CERT1: variants seen among roughly 807,000 people sequenced by gnomAD.
The protein encoded by CERT1 is ceramide transfer protein.
A neutral mutation model predicts 87.9 loss-of-function variants in CERT1; 31 were observed. That is an observed-to-expected ratio of 0.35 (90% CI 0.27 to 0.48). CERT1 has a LOEUF of 0.48. CERT1 is among the 20% of genes least tolerant of loss of function. The probability of loss-of-function intolerance (pLI) is 0.99; values close to 1 mark genes in which losing one functional copy is unlikely to be tolerated. For missense variants in CERT1, 487 were observed against 758.0 expected (o/e 0.64, Z 4.20); for synonymous variants, 289 against 250.9 (o/e 1.15, Z -1.44).
At chr5:75,459,758 T>C (rs1765149270) in intron 2 of CERT1, among the ~76,000 whole-genome samples, 1 of 150,346 alleles carries the variant, frequency 6.7e-6, no homozygotes, top group Non-Finnish European at 1.5e-5. Context: ...AGGTCAGGAG[T>C]TCAAGACCAG....
In CERT1 at chr5:75,493,128, T is replaced by G. The variant is rs1766875384; in HGVS notation, c.231+12854A>C. Among the ~76,000 whole-genome samples, 4 of 152,386 alleles carry G rather than the reference T, an allele frequency of 2.6e-5. No individual in the cohort carries two copies. The South Asian group carries it at 6.2e-4, about 24-fold the overall frequency. On this transcript the variant is annotated intron_variant, in intron 2 of 16. Coordinates refer to ENST00000643780, the MANE Select transcript of CERT1 (RefSeq NM_001379029.1). ...TCAGCAGAAGACAGACGTCTGTGTC[T>G]GTGGATGTATTTTACTTTTTATTAT... is the stretch of plus-strand genomic sequence containing the variant.
intron 3 of CERT1, among the ~76,000 whole-genome samples, chr5:75,451,119 C>T (rs1764754153): frequency 6.6e-6 from 1 of 152,076 alleles, no homozygotes; most frequent in African/African-American, 2.4e-5. Flanking sequence ...CCTTGTTTTC[C>T]TCTTTGATTT....
At chr5:75,502,169 A>G (rs1259348140) in intron 2 of CERT1, among the ~76,000 whole-genome samples, 1 of 152,192 alleles carries the variant, frequency 6.6e-6, no homozygotes, top group South Asian at 2.1e-4. Flanking sequence ...TGGAAAAGGA[A>G]AAAGAAATAA....
Position 75,473,526 on chromosome 5 carries a change from T to G in CERT1, c.232-14345A>C, listed in dbSNP as rs528201384. Among the ~76,000 whole-genome samples the G allele has an allele frequency of 9.9e-5, 15 of 152,260 alleles. No individual in the cohort carries two copies. In the East Asian group the frequency reaches 2.9e-3, roughly 29 times the overall value. On this transcript the variant is annotated intron_variant, in intron 2 of 16. Coordinates refer to ENST00000643780, the MANE Select transcript of CERT1 (RefSeq NM_001379029.1). ...ATATGTAGAATCTTAAAAAAGTTGA[T>G]CTCATGGAAATAGAGAGTAGAATGG...
chr5:75,392,613 A>C (rs1762071775), intron 11 of CERT1, among the ~76,000 whole-genome samples: 1 of 152,164 alleles, frequency 6.6e-6, no homozygotes, highest in African/African-American at 2.4e-5. Flanking sequence ...GACCAGACTG[A>C]CACTTCAGAT....
chr5:75,397,770 C>T, intron 11 of CERT1, among the ~76,000 whole-genome samples: 1 of 152,140 alleles, frequency 6.6e-6, no homozygotes, highest in East Asian at 1.9e-4. Context: ...CCTGTAATCC[C>T]AGCACTTTGG....
intron 2 of CERT1, among the ~76,000 whole-genome samples, chr5:75,466,880 C>T (rs1276381668): frequency 6.6e-6 from 1 of 152,192 alleles, no homozygotes; most frequent in African/African-American, 2.4e-5. Context: ...ACTTCTCCCA[C>T]AACTGTTTGA....
At chr5:75,407,796 T>C (rs1355500975) in intron 8 of CERT1, among the ~76,000 whole-genome samples, 1 of 150,440 alleles carries the variant, frequency 6.6e-6, no homozygotes, top group Non-Finnish European at 1.5e-5. Flanking sequence ...CAAAAGCCCA[T>C]CAAGAGTTTT....
chr5:75,475,310 G>A (rs960107109), intron 2 of CERT1, among the ~76,000 whole-genome samples: 3 of 152,130 alleles, frequency 2.0e-5, no homozygotes, highest in Non-Finnish European at 4.4e-5. Context: ...AAAAGTTTCA[G>A]CATGGGATCA....
intron 11 of CERT1, among the ~76,000 whole-genome samples, chr5:75,397,352 T>G (rs938882844): frequency 1.3e-5 from 2 of 152,236 alleles, no homozygotes; most frequent in African/African-American, 4.8e-5. Context: ...TCAAGTTACA[T>G]ACATGAGTTT....
At chr5:75,484,771 T>C (rs955989355) in intron 2 of CERT1, among the ~76,000 whole-genome samples, 1 of 151,734 alleles carries the variant, frequency 6.6e-6, no homozygotes, top group Non-Finnish European at 1.5e-5. Flanking sequence ...CATTATACAA[T>C]AGCTGGAGAC....
intron 17 of CERT1, chr5:75,372,721 C>T (rs1761127568): frequency 1.3e-5 from 2 of 152,238 alleles, no homozygotes; most frequent in East Asian, 1.9e-4. Context: ...GCATATTAAG[C>T]GATCAGACTA....
chr5:75,415,595 T>C (rs1206570057), intron 7 of CERT1, among the ~76,000 whole-genome samples: 1 of 152,110 alleles, frequency 6.6e-6, no homozygotes, highest in Non-Finnish European at 1.5e-5. Context: ...TTTTAGGCAA[T>C]GTGGTTAGAG....
chr5:75,482,820 T>G (rs760174617), intron 2 of CERT1, among the ~76,000 whole-genome samples: 1 of 152,194 alleles, frequency 6.6e-6, no homozygotes, highest in East Asian at 1.9e-4. Context: ...TTACTAGGCT[T>G]GGGGTGCCAC....
At chr5:75,406,868 T>C (rs914180101) in intron 8 of CERT1, among the ~76,000 whole-genome samples, 1 of 152,120 alleles carries the variant, frequency 6.6e-6, no homozygotes, top group African/African-American at 2.4e-5. Context: ...TCTTAAGGAA[T>C]AAATTTAAGA....
chr5:75,384,530 T>TAATG lies in CERT1; in HGVS notation c.1488+111_1488+112insCATT, dbSNP rs1350044745. On this transcript the variant is annotated intron_variant, in intron 14 of 16. Coordinates refer to ENST00000643780, the MANE Select transcript of CERT1 (RefSeq NM_001379029.1). ...ATTCATGAATCATTATTTAATAAAGTCTTTGGATTTTTGTGGCTTTTAATA... is the reference window on the plus strand; with the variant it reads ...ATTCATGAATCATTATTTAATAAAGTAATGCTTTGGATTTTTGTGGCTTTTAATA... 119 of 653,954 alleles carry TAATG rather than the reference T, an allele frequency of 1.8e-4. No homozygotes were observed. In the African/African-American group the frequency reaches 2.1e-3, roughly 11 times the overall value. The allele number at this position is 653,954 out of a possible 1,614,324, so 40.5% of individuals were successfully genotyped here.
intron 11 of CERT1, among the ~76,000 whole-genome samples, chr5:75,392,504 G>T (rs1186274075): frequency 6.6e-6 from 1 of 152,124 alleles, no homozygotes; most frequent in Non-Finnish European, 1.5e-5. Context: ...GTTAAGAGAG[G>T]TATACAGGTA....
chr5:75,421,864 G>A (rs938556341), intron 5 of CERT1, among the ~76,000 whole-genome samples: 10 of 152,140 alleles, frequency 6.6e-5, no homozygotes, highest in South Asian at 4.1e-4. Flanking sequence ...AGAAGCAGGA[G>A]ATATTTCATT....
At chr5:75,442,816 G>A (rs1424810111) in intron 3 of CERT1, among the ~76,000 whole-genome samples, 9 of 152,094 alleles carry the variant, frequency 5.9e-5, no homozygotes, top group East Asian at 3.8e-4. Flanking sequence ...GAGTGAGCAC[G>A]CACATGTGCT....
Sources: allele counts gnomAD v4.1 joint callset (sites outside exome capture counted in the v4.1 genomes callset), GRCh38; gene constraint gnomAD v4.1.1; transcripts MANE v1.5; gene names NCBI Gene and HGNC (gene_info 2026-07-23, HGNC 2026-07-21).